TBC1D4: variants seen among roughly 807,000 people sequenced by gnomAD.
The protein encoded by TBC1D4 is TBC1 domain family member 4, also known as TBC (Tre-2, BUB2, CDC16) domain-containing protein.
TBC1D4 carries 121 observed loss-of-function variants against 142.5 expected under a neutral mutation model. The ratio of observed to expected loss-of-function variants is 0.85; its 90% CI spans 0.73 to 0.99. TBC1D4 has a LOEUF of 0.99. TBC1D4 is among the 50% of genes least tolerant of loss of function. TBC1D4 has a pLI of 0.00. For missense variants in TBC1D4, 1,475 were observed against 1,606.6 expected (o/e 0.92, Z 1.40); for synonymous variants, 630 against 628.2 (o/e 1.00, Z -0.04).
chr13:75,481,457 C>T lies in TBC1D4; in HGVS notation c.311G>A (p.Gly104Asp), dbSNP rs771570274. Residue 104 changes from glycine (G) to aspartate (D), a missense_variant, in exon 1 of 21, where the codon GGC (glycine) becomes GAC (aspartate). Gly to Asp is a moderately conservative substitution (Grantham distance 94). Coordinates refer to ENST00000377636, the MANE Select transcript of TBC1D4 (RefSeq NM_014832.5). Reference sequence around the variant, plus strand: ...GGGCTGCGTGGCCGACGGACTAGTGCCCCCCGAGGCCCCAGCGCCCGGCGC... The same window carrying T: ...GGGCTGCGTGGCCGACGGACTAGTGTCCCCCGAGGCCCCAGCGCCCGGCGC... ...VPAPGAGASG[G>D]TSPSATQPNP... 1.2e-6 allele frequency: 2 copies of T among 1,613,650 alleles called. No individual in the cohort carries two copies. Among genetic ancestry groups the T allele is most frequent in the Non-Finnish European group, 1.7e-6 (2 of 1,179,730 alleles).
At position 75,340,138 on chromosome 13, in the gene TBC1D4, G is replaced by GTT. The variant is rs35540808; in HGVS notation, c.1611+985_1611+986dup. 1.8e-3 allele frequency among the ~76,000 whole-genome samples: 272 copies of GTT among 152,110 alleles called. 5 individuals are homozygous for GTT. Among genetic ancestry groups the GTT allele is most frequent in the African/African-American group, 6.1e-3 (252 of 41,470 alleles). On this transcript the variant is annotated intron_variant, in intron 7 of 20. Coordinates refer to ENST00000377636, the MANE Select transcript of TBC1D4 (RefSeq NM_014832.5). ...GGAGAGGACATGATTCATTCATCAG[G>GTT]TTTTTTTGTCACCTTTTTCCATCAC...
rs138981718 is a variant in TBC1D4, at chr13:75,464,278, G to A, written c.498+16992C>T. On this transcript the variant is annotated intron_variant, in intron 1 of 20. Coordinates refer to ENST00000377636, the MANE Select transcript of TBC1D4 (RefSeq NM_014832.5). ...GTGACATGTTCGTGATGGCCATGAC[G>A]CCCACGCTGAAGGTTGTGGGTTTAC... is the stretch of plus-strand genomic sequence containing the variant. 2.4e-3 allele frequency among the ~76,000 whole-genome samples: 360 copies of A among 152,272 alleles called. 1 individual carries two copies. Among genetic ancestry groups the A allele is most frequent in the Non-Finnish European group, 3.9e-3 (267 of 68,020 alleles).
intron 1 of TBC1D4, 64 bp downstream of exon 1, chr13:75,481,206 C>CCCCCCCCCCCACCCCCAA: frequency 8.3e-7 from 1 of 1,203,768 alleles, no homozygotes; most frequent in Non-Finnish European, 1.2e-6. Context: ...CCCCGCCCCT[C>CCCCCCCCCCCACCCCCAA]CCGCCCTGCT....
chr13:75,369,775 G>A (rs1422764956), intron 1 of TBC1D4, among the ~76,000 whole-genome samples: 1 of 152,148 alleles, frequency 6.6e-6, no homozygotes, highest in Admixed American at 6.5e-5. Context: ...CTGCGACAAT[G>A]AAAGCATTTA....
intron 18 of TBC1D4, among the ~76,000 whole-genome samples, chr13:75,292,542 C>T (rs1393108257): frequency 3.3e-5 from 5 of 151,846 alleles, no homozygotes; most frequent in Non-Finnish European, 7.4e-5. Flanking sequence ...TTTTTAATGC[C>T]AAATTTAATG....
intron 14 of TBC1D4, among the ~76,000 whole-genome samples, chr13:75,308,526 C>T (rs1423687224): frequency 1.3e-5 from 2 of 152,142 alleles, no homozygotes; most frequent in Non-Finnish European, 2.9e-5. Flanking sequence ...ATCTCTAAGG[C>T]TATTTCTACT....
At chr13:75,473,610 T>C (rs897809461) in intron 1 of TBC1D4, among the ~76,000 whole-genome samples, 3 of 152,240 alleles carry the variant, frequency 2.0e-5, no homozygotes, top group South Asian at 2.1e-4. Context: ...CAGCAGCCAA[T>C]GTAGGCTCCT....
chr13:75,297,398 G>A (rs9318331), intron 17 of TBC1D4, among the ~76,000 whole-genome samples: 47,000 of 151,930 alleles, frequency 0.31, 8,430 homozygotes, highest in East Asian at 0.69. Flanking sequence ...CTACCAAACC[G>A]TTGTTTCTGA....
At chr13:75,442,770 T>C (rs1249757686) in intron 1 of TBC1D4, among the ~76,000 whole-genome samples, 3 of 145,756 alleles carry the variant, frequency 2.1e-5, no homozygotes, top group African/African-American at 5.1e-5. Flanking sequence ...AGAGCGAGAC[T>C]CGGTTTCGGA....
At chr13:75,410,395 C>A (rs1393358413) in intron 1 of TBC1D4, among the ~76,000 whole-genome samples, 1 of 152,164 alleles carries the variant, frequency 6.6e-6, no homozygotes, top group African/African-American at 2.4e-5. Context: ...CTCCTCAGAG[C>A]TGACCCTTAA....
At chr13:75,438,521 A>G (rs1429182028) in intron 1 of TBC1D4, among the ~76,000 whole-genome samples, 1 of 152,232 alleles carries the variant, frequency 6.6e-6, no homozygotes, top group Non-Finnish European at 1.5e-5. Context: ...AGTCAGTTTT[A>G]GAAAGTCTAG....
chr13:75,479,178 C>G (rs377002544), intron 1 of TBC1D4, among the ~76,000 whole-genome samples: 1 of 152,120 alleles, frequency 6.6e-6, no homozygotes, highest in Non-Finnish European at 1.5e-5. Context: ...TTGTAACCAC[C>G]GATTAATGGC....
rs751659576 is a variant in TBC1D4 at position 75,306,299 on chromosome 13, A to G, written c.2752+14T>C. On this transcript the variant is annotated intron_variant, in intron 15 of 20. Transcript: ENST00000377636. ...TCTTTAAAAAACAAAAATTACTGAG[A>G]TTATCCCAAATACCTTCTTTAAGAA... The G allele has an allele frequency of 3.8e-6, 6 of 1,599,532 alleles. No individual in the cohort carries two copies. The South Asian group carries it at 4.6e-5, about 12-fold the overall frequency.
intron 1 of TBC1D4, chr13:75,375,454 A>T (rs912721540): frequency 2.5e-4 from 38 of 152,300 alleles, no homozygotes; most frequent in African/African-American, 8.4e-4. Flanking sequence ...AACCTGTTGA[A>T]CCCAATCGTT....
intron 1 of TBC1D4, among the ~76,000 whole-genome samples, chr13:75,416,162 G>T (rs1411565729): frequency 1.3e-5 from 2 of 152,078 alleles, no homozygotes; most frequent in East Asian, 1.9e-4. Context: ...GCTGTAAGAA[G>T]AATAATTTGT....
At chr13:75,400,197 C>T (rs78867919) in intron 1 of TBC1D4, among the ~76,000 whole-genome samples, 2,198 of 152,214 alleles carry the variant, frequency 0.014, 52 homozygotes, top group African/African-American at 0.049. Context: ...TCATTTCTCT[C>T]CCTCCTTTCA....
chr13:75,305,806 T>C lies in TBC1D4; in HGVS notation c.2752+507A>G, dbSNP rs966108225. The stretch of plus-strand genomic sequence containing the variant: ...TAAATATCAGGCATCTTATATGGCA[T>C]AGCAGCAATAAAAGAATAAATGCGA... On this transcript the variant is annotated intron_variant, in intron 15 of 20. Coordinates refer to ENST00000377636, the MANE Select transcript of TBC1D4 (RefSeq NM_014832.5). 3.3e-5 allele frequency among the ~76,000 whole-genome samples: 5 copies of C among 152,190 alleles called. No individual in the cohort carries two copies. In the East Asian group the frequency reaches 9.6e-4, roughly 29 times the overall value.
chr13:75,310,158 A>G lies in TBC1D4; in HGVS notation c.2384-7T>C. Reference sequence around the variant, plus strand: ...TCGTTCCTGTCCAATCCATCTGCAGAGAAGAACACAGTGAGAGGCATTCCT... The same window carrying G: ...TCGTTCCTGTCCAATCCATCTGCAGGGAAGAACACAGTGAGAGGCATTCCT... On this transcript the variant is annotated splice_polypyrimidine_tract_variant and splice_region_variant and intron_variant, in intron 13 of 20. Transcript: ENST00000377636. 6.2e-7 allele frequency: 1 copy of G among 1,612,358 alleles called. No individual in the cohort carries two copies. The highest frequency in any genetic ancestry group is 8.5e-7 in the Non-Finnish European group (1 of 1,179,130).
chr13:75,369,258 C>T (rs970322373), intron 1 of TBC1D4, among the ~76,000 whole-genome samples: 2 of 152,076 alleles, frequency 1.3e-5, no homozygotes, highest in Non-Finnish European at 2.9e-5. Flanking sequence ...TTTGTGGAGG[C>T]CAAGGCAGGA....
Sources: allele counts gnomAD v4.1 joint callset (sites outside exome capture counted in the v4.1 genomes callset), GRCh38; gene constraint gnomAD v4.1.1; transcripts MANE v1.5; gene names NCBI Gene and HGNC (gene_info 2026-07-23, HGNC 2026-07-21).